The following DENND4C variants were observed in gnomAD, a reference collection of about 807,000 sequenced individuals.
DENND4C encodes the protein DENN domain-containing protein 4C.
A neutral mutation model predicts 203.0 loss-of-function variants in DENND4C; 108 were observed. The ratio of observed to expected loss-of-function variants is 0.53; its 90% CI spans 0.46 to 0.62. The LOEUF (loss-of-function observed/expected upper bound fraction) is 0.62. DENND4C is among the 20% of genes least tolerant of loss of function. The pLI, the probability that DENND4C is intolerant of heterozygous loss-of-function variation, is 0.00. For missense variants in DENND4C, 2,481 were observed against 2,301.2 expected, an observed-to-expected ratio of 1.08 and a Z score of -1.60; for synonymous variants, 871 against 792.4, an observed-to-expected ratio of 1.10 and a Z score of -1.67.
chr9:19,296,710 A>G (rs556582325), intron 6 of DENND4C, among the ~76,000 whole-genome samples: 2 of 152,294 alleles, frequency 1.3e-5, no homozygotes, highest in South Asian at 2.1e-4. Context: ...TAGTAGTGGT[A>G]AGGTTGGCCA....
intron 12 of DENND4C, among the ~76,000 whole-genome samples, chr9:19,321,243 C>G (rs927370848): frequency 6.6e-6 from 1 of 152,140 alleles, no homozygotes; most frequent in African/African-American, 2.4e-5. Context: ...CACATTGGTT[C>G]TAGGGATTAT....
chr9:19,279,503 C>G (rs1445899362), intron 2 of DENND4C, among the ~76,000 whole-genome samples: 1 of 151,928 alleles, frequency 6.6e-6, no homozygotes. Context: ...GGTGAAACCC[C>G]CTCTTTACTA....
chr9:19,340,680 A>G (rs951424718), intron 20 of DENND4C, among the ~76,000 whole-genome samples: 24 of 152,332 alleles, frequency 1.6e-4, no homozygotes, highest in African/African-American at 5.3e-4. Flanking sequence ...TTATTCTTAC[A>G]GAGAAGTTAG....
At chr9:19,278,798 A>G (rs949797382) in intron 2 of DENND4C, among the ~76,000 whole-genome samples, 3 of 152,200 alleles carry the variant, frequency 2.0e-5, no homozygotes, top group East Asian at 1.9e-4. Flanking sequence ...GTCATTGAGC[A>G]TATGAGCCAG....
At chr9:19,335,542 C>T (rs1390902729) in intron 18 of DENND4C, among the ~76,000 whole-genome samples, 1 of 152,094 alleles carries the variant, frequency 6.6e-6, no homozygotes, top group East Asian at 1.9e-4. Context: ...GGTAACCATA[C>T]TTCTAGTCTC....
chr9:19,357,403 T>C, intron 27 of DENND4C: 1 of 409,858 alleles, frequency 2.4e-6, no homozygotes, highest in Non-Finnish European at 4.4e-6. Context: ...ATATTTCCCT[T>C]TTAATATAGT....
At chr9:19,370,971 G>A (rs976735363) in intron 31 of DENND4C, among the ~76,000 whole-genome samples, 1 of 152,198 alleles carries the variant, frequency 6.6e-6, no homozygotes, top group African/African-American at 2.4e-5. Context: ...AGTTGAGGTA[G>A]AGATGACCTT....
At position 19,260,965 on chromosome 9, in the gene DENND4C, C is replaced by G. The variant is rs968990069; in HGVS notation, c.-17-15193C>G. 2.0e-5 allele frequency among the ~76,000 whole-genome samples: 3 copies of G among 151,926 alleles called. No individual in the cohort carries two copies. In the East Asian group the frequency reaches 5.8e-4, roughly 29 times the overall value. ...CAGACCAGTGTCCTGGAGAGTATCC[C>G]CAATATTTTCTTGTAGTAGTTTCAT... On this transcript the variant is annotated intron_variant, in intron 1 of 32. Transcript: ENST00000434457.
At position 19,360,436 on chromosome 9, in the gene DENND4C, A is replaced by G; in HGVS notation, c.5353A>G (p.Ser1785Gly). Reference sequence around the variant, plus strand: ...GTATTTCAGACGTTTGGACCTTCCTAGTAACTTGCCAGGACTTATCCTCAC... The same window carrying G: ...GTATTTCAGACGTTTGGACCTTCCTGGTAACTTGCCAGGACTTATCCTCAC... ...VWYFRRLDLPSNLPGLILTSE... is the reference protein window; with the variant it reads ...VWYFRRLDLPGNLPGLILTSE... The change falls in exon 29 of 33, where the codon AGT (serine) becomes GGT (glycine). Residue 1785 changes from serine to glycine, a missense_variant. This residue lies in a region of DENND4C where 2,289 missense variants were observed against 2,113.3 expected (regional missense o/e 1.08). Transcript: ENST00000434457. The G allele has an allele frequency of 1.2e-6, 2 of 1,614,148 alleles. No individual in the cohort carries two copies. Among genetic ancestry groups the G allele is most frequent in the Non-Finnish European group, 1.7e-6 (2 of 1,180,000 alleles).
At chr9:19,298,627 A>C (rs1167588835) in intron 7 of DENND4C, among the ~76,000 whole-genome samples, 2 of 152,166 alleles carry the variant, frequency 1.3e-5, no homozygotes, top group Non-Finnish European at 2.9e-5. Context: ...TCTACTGATC[A>C]CATGCTTGGA....
intron 1 of DENND4C, among the ~76,000 whole-genome samples, chr9:19,249,337 C>G (rs764673841): frequency 6.6e-6 from 1 of 151,712 alleles, no homozygotes; most frequent in South Asian, 2.1e-4. Flanking sequence ...ACTGCAACCT[C>G]CACCTCCTGG....
intron 1 of DENND4C, among the ~76,000 whole-genome samples, chr9:19,244,883 C>T (rs891607946): frequency 2.0e-5 from 3 of 152,146 alleles, no homozygotes; most frequent in African/African-American, 7.2e-5. Context: ...GCTAGACCTC[C>T]CTTACTGGGT....
In DENND4C at chr9:19,274,381, C is replaced by T. The variant is rs553505521; in HGVS notation, c.-17-1777C>T. Among the ~76,000 whole-genome samples the T allele has an allele frequency of 1.4e-3, 206 of 150,638 alleles. 2 individuals carry two copies. The highest frequency in any genetic ancestry group is 8.5e-3 in the South Asian group (41 of 4,818). ...TGCGATCTCGGCTCACCGCAACCTCCGCCTACCGGGTTCAAGCGATTCTCC... is the reference window on the plus strand; with the variant it reads ...TGCGATCTCGGCTCACCGCAACCTCTGCCTACCGGGTTCAAGCGATTCTCC... On this transcript the variant is annotated intron_variant, in intron 1 of 32. Transcript: ENST00000434457.
In DENND4C at chr9:19,332,032, T is replaced by A; in HGVS notation, c.2308T>A (p.Trp770Arg). 1 of 1,614,016 alleles carries A rather than the reference T, an allele frequency of 6.2e-7. No individual in the cohort carries two copies. The highest frequency in any genetic ancestry group is 8.5e-7 in the Non-Finnish European group (1 of 1,179,988). The stretch of plus-strand genomic sequence containing the variant: ...GAGATGTTATACAAATCCACCACAG[T>A]GGGCCAAGTGTCTGTTTAGTCATTG... ...AKRCYTNPPQ[W>R]AKCLFSHCYS... The change falls in exon 17 of 33, where the codon TGG becomes AGG. Residue 770 changes from tryptophan (W) to arginine (R), a missense_variant. By Grantham distance (101) the Trp-to-Arg change is moderately radical. Around this residue, in one of 3 missense-constraint regions of DENND4C, gnomAD observed 2,289 missense variants for 2,113.3 expected, o/e 1.08. Coordinates refer to ENST00000434457, the MANE Select transcript of DENND4C (RefSeq NM_001330640.2).
chr9:19,363,991 G>A (rs1487289883), intron 30 of DENND4C, among the ~76,000 whole-genome samples: 1 of 152,178 alleles, frequency 6.6e-6, no homozygotes, highest in Non-Finnish European at 1.5e-5. Flanking sequence ...TCCAGCCTGG[G>A]CATCGCAGCA....
chr9:19,284,738 AAACAG>A (rs769598950), intron 2 of DENND4C, among the ~76,000 whole-genome samples: 5 of 152,148 alleles, frequency 3.3e-5, no homozygotes, highest in Non-Finnish European at 7.4e-5. Context: ...CTTATACTAT[AAACAG>A]ATTTTTAATC....
intron 1 of DENND4C, among the ~76,000 whole-genome samples, chr9:19,271,665 A>G (rs929821942): frequency 6.6e-6 from 1 of 151,974 alleles, no homozygotes; most frequent in African/African-American, 2.4e-5. Context: ...GGTTGAGTTA[A>G]AGACCAGCCT....
At chr9:19,266,091 A>G (rs575798914) in intron 1 of DENND4C, among the ~76,000 whole-genome samples, 20 of 152,172 alleles carry the variant, frequency 1.3e-4, no homozygotes, top group South Asian at 2.1e-4. Flanking sequence ...AAGTGTTCCT[A>G]TTTCTCCACA....
At chr9:19,248,314 C>G (rs895789790) in intron 1 of DENND4C, among the ~76,000 whole-genome samples, 1 of 152,180 alleles carries the variant, frequency 6.6e-6, no homozygotes, top group Non-Finnish European at 1.5e-5. Flanking sequence ...TTTTTCCTGC[C>G]TGGAATGTTC....
Sources: gnomAD v4.1 joint callset for allele counts (sites outside exome capture counted in the v4.1 genomes callset) on GRCh38, gnomAD v4.1.1 for gene constraint, gnomAD v4.1.1 regional missense constraint, MANE v1.5 for transcripts, NCBI Gene and HGNC (gene_info 2026-07-23, HGNC 2026-07-21) for gene names.